Variants in CCDC3 observed in about 807,000 individuals in gnomAD.
The protein encoded by CCDC3 is coiled-coil domain containing 3, also known as coiled-coil domain-containing protein 3.
A neutral mutation model predicts 21.4 loss-of-function variants in CCDC3; 24 were observed. The observed-to-expected ratio is 1.12, with a 90% confidence interval of 0.81 to 1.58. The LOEUF is 1.58. Among genes scored for constraint, CCDC3 ranks in the 40% most tolerant of loss-of-function variants. The pLI is 0.00. For synonymous variants in CCDC3, 186 were observed against 166.0 expected (o/e 1.12, Z -0.93); for missense variants, 425 against 360.9 (o/e 1.18, Z -1.44).
At chr10:12,964,122 C>T (rs1835223493) in intron 2 of CCDC3, among the ~76,000 whole-genome samples, 1 of 152,038 alleles carries the variant, frequency 6.6e-6, no homozygotes, top group Non-Finnish European at 1.5e-5. Flanking sequence ...CCTGTGATTC[C>T]AACACTTTGG....
chr10:12,966,813 A>G (rs1183763449), intron 2 of CCDC3, among the ~76,000 whole-genome samples: 3 of 152,232 alleles, frequency 2.0e-5, no homozygotes, highest in African/African-American at 4.8e-5. Flanking sequence ...AACGTGTTCT[A>G]AAATGAAGAG....
intron 4 of CCDC3, among the ~76,000 whole-genome samples, chr10:13,063,138 C>G (rs189443192): frequency 8.8e-6 from 1 of 113,846 alleles, no homozygotes; most frequent in African/African-American, 3.4e-5. Context: ...CTTTGCTCCC[C>G]GAATGTTCGG....
At chr10:12,927,993 T>G (rs565664117) in intron 2 of CCDC3, among the ~76,000 whole-genome samples, 17 of 152,218 alleles carry the variant, frequency 1.1e-4, no homozygotes, top group Non-Finnish European at 2.5e-4. Context: ...TAAGTAATTA[T>G]CTAATTTTCT....
intron 2 of CCDC3, among the ~76,000 whole-genome samples, chr10:12,994,566 T>C (rs966649443): frequency 6.6e-5 from 10 of 152,124 alleles, no homozygotes; most frequent in African/African-American, 1.7e-4. Flanking sequence ...TCTTAGAATA[T>C]GCGGAGTGTT....
Position 12,898,570 on chromosome 10 carries a change from C to A in CCDC3, c.659G>T (p.Arg220Leu), listed in dbSNP as rs1484418793. 1.9e-6 allele frequency: 3 copies of A among 1,614,232 alleles called. No individual in the cohort carries two copies. The highest frequency in any genetic ancestry group is 2.5e-6 in the Non-Finnish European group (3 of 1,180,038). The change falls in exon 3 of 3, where the codon CGA becomes CTA. Residue 220 changes from arginine (R) to leucine (L), a missense_variant. Physicochemically the swap from Arg to Leu is moderately radical, Grantham distance 102. Coordinates refer to ENST00000378825, the MANE Select transcript of CCDC3 (RefSeq NM_031455.4). ...CAAGGACCTCTTGACCTTCTTCACT[C>A]GCTCCCGGAGCTGCCGGTTGCGCTT... ...LEKRNRQLRE[R>L]VKKVKRSLRQ...
chr10:13,047,772 C>T lies in CCDC3; in HGVS notation c.-2+1902G>A, dbSNP rs1285861536. On this transcript the variant is annotated intron_variant, in intron 5 of 6. Coordinates refer to the CCDC3 transcript ENST00000378839. ...CTCCAGAGGGACTAAGGCCTGAGATCGGTTTGTTTTCTTGTGTGAACCAAA... is the reference window on the plus strand; with the variant it reads ...CTCCAGAGGGACTAAGGCCTGAGATTGGTTTGTTTTCTTGTGTGAACCAAA... 5.3e-5 allele frequency among the ~76,000 whole-genome samples: 8 copies of T among 152,270 alleles called. No homozygotes were observed. The East Asian group carries it at 7.7e-4, about 15-fold the overall frequency.
Position 12,918,691 on chromosome 10 carries a change from TAA to T in CCDC3, c.550-20014_550-20013del, listed in dbSNP as rs138152904. On this transcript the variant is annotated intron_variant, in intron 2 of 2. Coordinates refer to ENST00000378825, the MANE Select transcript of CCDC3 (RefSeq NM_031455.4). ...TAAACTGCAGCCCATCTACCCCATG[TAA>T]CACTATGTGTGATTAAACAGATGGA... is the stretch of plus-strand genomic sequence containing the variant. Among the ~76,000 whole-genome samples the T allele has an allele frequency of 2.9e-3, 445 of 152,318 alleles. 4 individuals are homozygous for T. Among genetic ancestry groups the T allele is most frequent in the African/African-American group, 0.01 (429 of 41,576 alleles).
chr10:12,912,198 G>C (rs1160611194), intron 2 of CCDC3, among the ~76,000 whole-genome samples: 1 of 152,090 alleles, frequency 6.6e-6, no homozygotes, highest in East Asian at 1.9e-4. Flanking sequence ...TTAATTTTTT[G>C]AGAAAACTCC....
At chr10:13,085,477 C>G (rs1173457998) in intron 3 of CCDC3, among the ~76,000 whole-genome samples, 1 of 152,170 alleles carries the variant, frequency 6.6e-6, no homozygotes, top group Non-Finnish European at 1.5e-5. Flanking sequence ...GATTTTCAGT[C>G]CAAAGCATTC....
At chr10:13,034,702 A>AAAACAAACAAACAAACAAACAAAC (rs142897479) in intron 5 of CCDC3, among the ~76,000 whole-genome samples, 3 of 151,080 alleles carry the variant, frequency 2.0e-5, no homozygotes, top group African/African-American at 7.3e-5. Context: ...CTCACTGTAA[A>AAAACAAACAAACAAACAAACAAAC]AAACAAACAA....
At chr10:13,038,338 C>A (rs112181188) in intron 5 of CCDC3, among the ~76,000 whole-genome samples, 2,541 of 146,202 alleles carry the variant, frequency 0.017, 44 homozygotes, top group Non-Finnish European at 0.022. Context: ...ATGTGCACAT[C>A]CTGCACATGT....
At chr10:12,958,809 AC>A (rs1309990096) in intron 2 of CCDC3, among the ~76,000 whole-genome samples, 1 of 151,630 alleles carries the variant, frequency 6.6e-6, no homozygotes, top group African/African-American at 2.4e-5. Context: ...CAGCCTGCCA[AC>A]CCCCCTGGGA....
At chr10:12,916,160 G>A (rs574358919) in intron 2 of CCDC3, among the ~76,000 whole-genome samples, 18 of 152,318 alleles carry the variant, frequency 1.2e-4, no homozygotes, top group East Asian at 3.9e-4. Context: ...TGGGCCAGGC[G>A]CAGTGGTTCA....
At chr10:13,013,670 G>A (rs756752449) in intron 5 of CCDC3, among the ~76,000 whole-genome samples, 20 of 151,926 alleles carry the variant, frequency 1.3e-4, no homozygotes, top group Non-Finnish European at 1.0e-4. Flanking sequence ...AAAACATACC[G>A]AGAACACAGC....
At chr10:12,979,430 T>C (rs894410942) in intron 2 of CCDC3, among the ~76,000 whole-genome samples, 4 of 151,950 alleles carry the variant, frequency 2.6e-5, no homozygotes, top group African/African-American at 7.3e-5. Flanking sequence ...TGTCACTCCA[T>C]TGCCCAGGCT....
exon 1 of CCDC3, chr10:13,001,707 TCGGCATGCC>T (rs2131288745): frequency 2.0e-6 from 1 of 509,708 alleles, no homozygotes; most frequent in Admixed American, 6.0e-5. Context: ...GCCACGGGGC[TCGGCATGCC>T]CGGCCCTGGC....
intron 2 of CCDC3, among the ~76,000 whole-genome samples, chr10:12,986,918 A>C (rs764512577): frequency 6.6e-6 from 1 of 152,200 alleles, no homozygotes; most frequent in African/African-American, 2.4e-5. Context: ...TGGCAAAACA[A>C]AAAAGAAAGA....
chr10:12,976,199 C>A (rs1236861132), intron 2 of CCDC3, among the ~76,000 whole-genome samples: 1 of 152,158 alleles, frequency 6.6e-6, no homozygotes, highest in Non-Finnish European at 1.5e-5. Flanking sequence ...GAGAGCTAGG[C>A]ATGGGCAGCA....
At chr10:13,015,953 G>A (rs1401896053) in intron 5 of CCDC3, among the ~76,000 whole-genome samples, 2 of 151,964 alleles carry the variant, frequency 1.3e-5, no homozygotes, top group African/African-American at 4.8e-5. Context: ...AGTATAACTG[G>A]ATTATTCAAA....
Sources: gnomAD v4.1 joint callset for allele counts (sites outside exome capture counted in the v4.1 genomes callset) on GRCh38, gnomAD v4.1.1 for gene constraint, MANE v1.5 for transcripts, NCBI Gene and HGNC (gene_info 2026-07-23, HGNC 2026-07-21) for gene names.